Variants in SBF2 observed in about 807,000 individuals in gnomAD.
SBF2 encodes the protein SET binding factor 2.
A neutral mutation model predicts 225.2 loss-of-function variants in SBF2; 112 were observed. The observed-to-expected ratio is 0.50, with a 90% confidence interval of 0.43 to 0.58. The LOEUF is 0.58. SBF2 is among the 20% of genes least tolerant of loss of function. The probability of loss-of-function intolerance (pLI) is 0.00; values close to 1 mark genes in which losing one functional copy is unlikely to be tolerated. For synonymous variants in SBF2, 763 were observed against 773.3 expected (o/e 0.99, Z 0.22); for missense variants, 1,996 against 2,206.2 (o/e 0.90, Z 1.91).
chr11:10,188,993 G>A (rs78974799), intron 2 of SBF2, among the ~76,000 whole-genome samples: 1 of 151,990 alleles, frequency 6.6e-6, no homozygotes, highest in Non-Finnish European at 1.5e-5. Flanking sequence ...TTCCACACAC[G>A]GTTTATACCA....
chr11:9,785,043 C>T, intron 37 of SBF2, 82 bp downstream of exon 37: 7 of 1,202,298 alleles, frequency 5.8e-6, no homozygotes, highest in Non-Finnish European at 8.7e-6. Flanking sequence ...CTGCACAGGC[C>T]TAGCTTATTG....
intron 2 of SBF2, among the ~76,000 whole-genome samples, chr11:10,112,705 G>C (rs1333267036): frequency 6.6e-6 from 1 of 152,090 alleles, no homozygotes; most frequent in East Asian, 1.9e-4. Flanking sequence ...AAACAGAAGA[G>C]GTAAGAGCAG....
At chr11:9,915,403 C>T (rs748849765) in intron 16 of SBF2, among the ~76,000 whole-genome samples, 4 of 148,384 alleles carry the variant, frequency 2.7e-5, no homozygotes, top group East Asian at 2.0e-4. Flanking sequence ...GCCGAGATCG[C>T]GCCACTGTAC....
rs533001749 is a variant in SBF2 at position 10,000,578 on chromosome 11, G to A, written c.861+336C>T. 7.2e-5 allele frequency among the ~76,000 whole-genome samples: 11 copies of A among 152,104 alleles called. No individual in the cohort carries two copies. In the South Asian group the frequency reaches 1.7e-3, roughly 23 times the overall value. ...TATCAGGAATTTGGTATCAAGACAC[G>A]TCTCACTTCAAAATATAAAACAATT... On this transcript the variant is annotated intron_variant, in intron 8 of 39. Transcript: ENST00000256190.
chr11:9,781,457 C>G lies in SBF2; in HGVS notation c.5451+50G>C, dbSNP rs371727427. 5.6e-6 allele frequency: 9 copies of G among 1,610,230 alleles called. No individual in the cohort carries two copies. The Admixed American group carries it at 1.2e-4, about 21-fold the overall frequency. On this transcript the variant is annotated intron_variant, in intron 39 of 39. Coordinates refer to ENST00000256190, the MANE Select transcript of SBF2 (RefSeq NM_030962.4). The stretch of plus-strand genomic sequence containing the variant: ...GGGCTCCATCATTCTTGGAGACAGA[C>G]AGAATGATGTGCAGACAGAGCCAGG...
At chr11:9,939,396 T>C (rs755195371) in intron 16 of SBF2, among the ~76,000 whole-genome samples, 4 of 152,138 alleles carry the variant, frequency 2.6e-5, no homozygotes, top group Non-Finnish European at 5.9e-5. Context: ...GCGCCCGGCC[T>C]AAACATGCAT....
intron 16 of SBF2, among the ~76,000 whole-genome samples, chr11:9,905,541 G>A (rs59550065): frequency 0.062 from 9,432 of 152,194 alleles, 478 homozygotes; most frequent in East Asian, 0.28. Context: ...ATCCCAGGAG[G>A]AAATAGGGAT....
chr11:10,053,281 T>C (rs1033771545), intron 2 of SBF2, among the ~76,000 whole-genome samples: 1 of 152,204 alleles, frequency 6.6e-6, no homozygotes, highest in Non-Finnish European at 1.5e-5. Flanking sequence ...TCCAGATATG[T>C]CTTTTTATTT....
At chr11:9,932,957 CAAAAAAAAAAAAAAAAAAAAAA>C (rs574177096) in intron 16 of SBF2, among the ~76,000 whole-genome samples, 1 of 58,744 alleles carries the variant, frequency 1.7e-5, no homozygotes, top group Non-Finnish European at 2.7e-5. Context: ...AAACGAAAAG[CAAAAAAAAAAAAAAAAAAAAAA>C]AAAAAAAACA....
At chr11:10,270,446 G>C (rs1287909193) in intron 1 of SBF2, among the ~76,000 whole-genome samples, 1 of 152,210 alleles carries the variant, frequency 6.6e-6, no homozygotes, top group Non-Finnish European at 1.5e-5. Context: ...AGTGGAAGCA[G>C]ATCATCACAA....
chr11:10,237,884 A>AG (rs1959139423), intron 1 of SBF2, among the ~76,000 whole-genome samples: 1 of 152,156 alleles, frequency 6.6e-6, no homozygotes, highest in Non-Finnish European at 1.5e-5. Flanking sequence ...GTACTTTGGG[A>AG]GGGGGTCACT....
At chr11:10,161,818 AT>A (rs1268463636) in intron 2 of SBF2, among the ~76,000 whole-genome samples, 4 of 135,728 alleles carry the variant, frequency 2.9e-5, no homozygotes, top group Admixed American at 7.3e-5. Context: ...AAAAAAAATA[AT>A]AATTAAAAAA....
rs4910066 is a variant in SBF2 at position 9,812,856 on chromosome 11, A to G, written c.3979-148T>C. 628,253 of 751,314 alleles carry G rather than the reference A, an allele frequency of 0.84. 268,560 individuals carry two copies. Among genetic ancestry groups the G allele is most frequent in the Non-Finnish European group, 0.89 (392,144 of 442,158 alleles). The allele number at this position is 751,314 out of a possible 1,614,324, so 46.5% of individuals were successfully genotyped here. A position where few individuals can be genotyped will look rare whatever the true frequency, so the allele number is the denominator to read the frequency against. On this transcript the variant is annotated intron_variant, in intron 29 of 39. Transcript: ENST00000256190. ...TGGGTCAAGAAAGTCAATCTTGTAC[A>G]GCAATGTGTCAGTGTTGGTGGGAAC...
intron 6 of SBF2, among the ~76,000 whole-genome samples, chr11:10,028,168 C>T (rs1007218151): frequency 6.6e-6 from 1 of 152,044 alleles, no homozygotes; most frequent in African/African-American, 2.4e-5. Context: ...CCTGCCTCGG[C>T]CTCCCAAAGT....
At chr11:10,077,591 A>C (rs1951171641) in intron 2 of SBF2, among the ~76,000 whole-genome samples, 1 of 152,242 alleles carries the variant, frequency 6.6e-6, no homozygotes, top group South Asian at 2.1e-4. Context: ...CATATGCAGA[A>C]AGCTGAAACT....
chr11:9,808,700 C>T (rs915696319), intron 31 of SBF2: 32 of 497,288 alleles, frequency 6.4e-5, no homozygotes, highest in Non-Finnish European at 1.1e-4. Context: ...GCTTGATGCC[C>T]GGAGCCAGAG....
intron 2 of SBF2, among the ~76,000 whole-genome samples, chr11:10,138,525 A>ATT (rs200917640): frequency 7.3e-6 from 1 of 136,174 alleles, no homozygotes; most frequent in African/African-American, 2.7e-5. Context: ...TTCTTTTCCT[A>ATT]TTTTTTTTTT....
intron 1 of SBF2, among the ~76,000 whole-genome samples, chr11:10,272,680 G>A (rs1250591602): frequency 1.3e-5 from 2 of 151,950 alleles, no homozygotes; most frequent in Non-Finnish European, 2.9e-5. Context: ...GCTGAGATTG[G>A]CTTGAGCCTG....
chr11:9,919,478 G>A (rs1452425008), intron 16 of SBF2, among the ~76,000 whole-genome samples: 1 of 151,962 alleles, frequency 6.6e-6, no homozygotes, highest in Non-Finnish European at 1.5e-5. Flanking sequence ...CCTTTTAAGG[G>A]CTCACAACTC....
Sources: gnomAD v4.1 joint callset for allele counts (sites outside exome capture counted in the v4.1 genomes callset) on GRCh38, gnomAD v4.1.1 for gene constraint, MANE v1.5 for transcripts, NCBI Gene and HGNC (gene_info 2026-07-23, HGNC 2026-07-21) for gene names.